RLF: variants seen among roughly 807,000 people sequenced by gnomAD.
RLF encodes zinc finger protein Rlf.
RLF carries 7 observed loss-of-function variants against 162.9 expected under a neutral mutation model. The ratio of observed to expected loss-of-function variants is 0.04; its 90% CI spans 0.02 to 0.08. The LOEUF (loss-of-function observed/expected upper bound fraction) is 0.08. RLF is among the 10% of genes least tolerant of loss of function. RLF has a pLI of 1.00. For synonymous variants in RLF, 782 were observed against 791.5 expected (o/e 0.99, Z 0.20); for missense variants, 1,664 against 2,244.7 (o/e 0.74, Z 5.23).
Position 40,239,561 on chromosome 1 carries a change from C to T in RLF, c.4859C>T (p.Ser1620Leu). 1 of 1,614,142 alleles carries T rather than the reference C, an allele frequency of 6.2e-7. No individual in the cohort carries two copies. Among genetic ancestry groups the T allele is most frequent in the Non-Finnish European group, 8.5e-7 (1 of 1,180,032 alleles). ...IKKEENRSCE[S>L]ERTEHSHSPG... is the part of the protein sequence containing the mutation. ...AAAGAAGAAAATAGAAGCTGTGAAT[C>T]AGAGCGCACAGAACACAGCCATTCC... Residue 1620 changes from serine to leucine, a missense_variant, in exon 8 of 8, where the codon TCA becomes TTA. By Grantham distance (145) the Ser-to-Leu change is moderately radical. Transcript: ENST00000372771.
chr1:40,176,833 A>G (rs1557738894), intron 1 of RLF, among the ~76,000 whole-genome samples: 1 of 152,154 alleles, frequency 6.6e-6, no homozygotes, highest in Non-Finnish European at 1.5e-5. Flanking sequence ...CCATTGAAAA[A>G]TAATTGTTTT....
Position 40,232,216 on chromosome 1 carries a change from T to TTA in RLF, c.1089+558_1089+559insTA, listed in dbSNP as rs1553176802. Among the ~76,000 whole-genome samples, 12 of 140,852 alleles carry TTA rather than the reference T, an allele frequency of 8.5e-5. No individual in the cohort carries two copies. In the East Asian group the frequency reaches 1.6e-3, roughly 19 times the overall value. The allele number at this position is 140,852 out of a possible 152,430, so 92.4% of individuals were successfully genotyped here. On this transcript the variant is annotated intron_variant, in intron 7 of 7. Transcript: ENST00000372771. Reference sequence around the variant, plus strand: ...GAGTGAGACTTGGTCTTTTTTTTTTTAAAAAAAAAAAAAAGAACATTTCAA... The same window carrying TTA: ...GAGTGAGACTTGGTCTTTTTTTTTTTTAAAAAAAAAAAAAAAGAACATTTCAA...
chr1:40,207,311 A>G (rs995284151), intron 5 of RLF, among the ~76,000 whole-genome samples: 2 of 152,248 alleles, frequency 1.3e-5, no homozygotes, highest in African/African-American at 4.8e-5. Flanking sequence ...AAGCTGGAAC[A>G]TTCCACTCAT....
intron 1 of RLF, among the ~76,000 whole-genome samples, chr1:40,162,314 T>C (rs1400512209): frequency 6.6e-6 from 1 of 152,118 alleles, no homozygotes; most frequent in African/African-American, 2.4e-5. Context: ...GTGTGGCCTC[T>C]TTTGGCAGTC....
Position 40,240,508 on chromosome 1 carries a change from A to C in RLF, c.*61A>C. On this transcript the variant is annotated 3_prime_UTR_variant, in exon 8 of 8. Transcript: ENST00000372771. ...CACTGCAACATGGGGACATTTGCCA[A>C]CTCGAACAAAGGCTGAGAAGCAGCC... The C allele has an allele frequency of 8.1e-7, 1 of 1,233,504 alleles. No homozygotes were observed. Among genetic ancestry groups the C allele is most frequent in the Non-Finnish European group, 1.2e-6 (1 of 861,876 alleles). 76.4% of individuals were successfully genotyped at this position (1,233,504 alleles called of 1,614,324 possible).
intron 1 of RLF, among the ~76,000 whole-genome samples, chr1:40,175,394 T>C (rs934827998): frequency 2.6e-5 from 4 of 152,156 alleles, no homozygotes; most frequent in African/African-American, 9.7e-5. Context: ...CTCACATCTG[T>C]AATCCCAGCA....
At chr1:40,187,974 C>T (rs547719946) in intron 1 of RLF, among the ~76,000 whole-genome samples, 1 of 152,246 alleles carries the variant, frequency 6.6e-6, no homozygotes, top group African/African-American at 2.4e-5. Flanking sequence ...ATAAGACTTG[C>T]CTATAGAAGT....
At chr1:40,192,962 T>TGG (rs1382351585) in intron 3 of RLF, among the ~76,000 whole-genome samples, 2 of 152,126 alleles carry the variant, frequency 1.3e-5, no homozygotes, top group African/African-American at 4.8e-5. Context: ...GTTTTTTACA[T>TGG]AATAATCATG....
rs146074023 is a variant in RLF at position 40,229,398 on chromosome 1, A to T, written c.948-2119A>T. 6.3e-4 allele frequency among the ~76,000 whole-genome samples: 93 copies of T among 148,252 alleles called. 1 individual carries two copies. Among genetic ancestry groups the T allele is most frequent in the Non-Finnish European group, 1.1e-3 (76 of 67,034 alleles). ...TATTTAAAGGCATTTTAAATTAATT[A>T]TATTGGTTATAGCTCAAATTTGCCA... On this transcript the variant is annotated intron_variant, in intron 6 of 7. Transcript: ENST00000372771.
At chr1:40,211,231 G>A (rs1315067464) in intron 5 of RLF, among the ~76,000 whole-genome samples, 1 of 151,804 alleles carries the variant, frequency 6.6e-6, no homozygotes, top group Admixed American at 6.6e-5. Flanking sequence ...GTTTAATATC[G>A]GTTGGTCTAA....
intron 1 of RLF, among the ~76,000 whole-genome samples, chr1:40,171,805 G>A (rs1490286096): frequency 2.6e-5 from 4 of 152,010 alleles, no homozygotes; most frequent in South Asian, 4.1e-4. Context: ...CATTCTAATT[G>A]TTAAAAATTA....
At chr1:40,225,438 G>A (rs1219870621) in intron 6 of RLF, among the ~76,000 whole-genome samples, 1 of 152,028 alleles carries the variant, frequency 6.6e-6, no homozygotes, top group African/African-American at 2.4e-5. Flanking sequence ...AATTAGCCGG[G>A]CGTGGTGGCG....
rs373533849 is a variant in RLF at position 40,161,664 on chromosome 1, C to T, written c.237+28C>T. 1 of 1,602,862 alleles carries T rather than the reference C, an allele frequency of 6.2e-7. No individual in the cohort carries two copies. Among genetic ancestry groups the T allele is most frequent in the East Asian group, 2.3e-5 (1 of 43,744 alleles). ...GAGGGGCTGACTGGCTGGCTGAGGGCGGCGGGGCGGGGAAGTCAGGGAAGG... is the reference window on the plus strand; with the variant it reads ...GAGGGGCTGACTGGCTGGCTGAGGGTGGCGGGGCGGGGAAGTCAGGGAAGG... On this transcript the variant is annotated intron_variant, in intron 1 of 7. Transcript: ENST00000372771. This position sits in a 1 kb window ranked among gnomAD's most constrained non-coding sequence, Gnocchi z 4.4.
At chr1:40,197,844 C>G (rs1275588996) in intron 4 of RLF, among the ~76,000 whole-genome samples, 1 of 152,170 alleles carries the variant, frequency 6.6e-6, no homozygotes, top group African/African-American at 2.4e-5. Flanking sequence ...TTCTTTATAT[C>G]TCTGCTGCCC....
rs1399935973 is a variant in RLF, at chr1:40,236,613, A to G, written c.1911A>G (p.Pro637=). 2 of 1,614,206 alleles carry G rather than the reference A, an allele frequency of 1.2e-6. No individual in the cohort carries two copies. Among genetic ancestry groups the G allele is most frequent in the South Asian group, 2.2e-5 (2 of 91,088 alleles). ...GICPKSPSAI[P]EQNHSLNDQA... is the part of the protein sequence containing the mutation. ...GTCCTAAGAGCCCCTCTGCAATCCCAGAGCAAAACCATTCATTGAATGACC... is the reference window on the plus strand; with the variant it reads ...GTCCTAAGAGCCCCTCTGCAATCCCGGAGCAAAACCATTCATTGAATGACC... The change falls in exon 8 of 8, where the codon CCA becomes CCG. Residue 637 remains proline, a synonymous_variant. Coordinates refer to ENST00000372771, the MANE Select transcript of RLF (RefSeq NM_012421.4). This position sits in a 1 kb window ranked among gnomAD's most constrained non-coding sequence, Gnocchi z 7.7.
chr1:40,184,596 A>T (rs1642447118), intron 1 of RLF, among the ~76,000 whole-genome samples: 1 of 152,186 alleles, frequency 6.6e-6, no homozygotes, highest in South Asian at 2.1e-4. Context: ...GGAAATATGT[A>T]ATAGGCAGTT....
chr1:40,204,068 T>C (rs1642756236), intron 5 of RLF, among the ~76,000 whole-genome samples: 1 of 150,660 alleles, frequency 6.6e-6, no homozygotes, highest in Non-Finnish European at 1.5e-5. Flanking sequence ...AGTCTCGCTC[T>C]GTTGCCCAGG....
At chr1:40,169,622 CAA>C (rs886534976) in intron 1 of RLF, among the ~76,000 whole-genome samples, 3 of 46,990 alleles carry the variant, frequency 6.4e-5, no homozygotes, top group African/African-American at 8.7e-5. Flanking sequence ...GACTCCGTCT[CAA>C]AAAAAAAAAA....
intron 6 of RLF, among the ~76,000 whole-genome samples, chr1:40,230,608 T>A (rs1316981267): frequency 6.6e-6 from 1 of 152,108 alleles, no homozygotes; most frequent in Non-Finnish European, 1.5e-5. Flanking sequence ...AAGTTTTATA[T>A]TTGTAGTAGA....
Sources: allele counts gnomAD v4.1 joint callset (sites outside exome capture counted in the v4.1 genomes callset), GRCh38; gene constraint gnomAD v4.1.1; non-coding constraint Gnocchi (gnomAD v3.1); transcripts MANE v1.5; gene names NCBI Gene and HGNC (gene_info 2026-07-23, HGNC 2026-07-21).